Variants in PIKFYVE observed in about 807,000 individuals in gnomAD.
The protein encoded by PIKFYVE is 1-phosphatidylinositol 3-phosphate 5-kinase.
In PIKFYVE, 122 loss-of-function variants were observed where a neutral mutation model predicts 257.9. That is an observed-to-expected ratio of 0.47 (90% confidence interval 0.41 to 0.55). The LOEUF (loss-of-function observed/expected upper bound fraction) is 0.55, where lower values mean the gene tolerates loss of function less well. Among genes scored for constraint, PIKFYVE ranks in the 20% least tolerant of loss-of-function variants. PIKFYVE has a pLI of 0.00. For missense variants in PIKFYVE, 2,160 were observed against 2,536.6 expected (o/e 0.85, Z 3.19); for synonymous variants, 892 against 868.9 (o/e 1.03, Z -0.47).
In PIKFYVE at chr2:208,285,801, G is replaced by A; in HGVS notation, c.689G>A (p.Gly230Glu). Residue 230 changes from glycine (G) to glutamate (E), a missense_variant, in exon 6 of 42, where the codon GGG (glycine) becomes GAG (glutamate). Gly to Glu is a moderately conservative substitution (Grantham distance 98). Transcript: ENST00000264380. ...CATTCCACAGACAGTAATTCTATTGGGGAAGACTTGAATGCTCTTTCAGAT... is the reference window on the plus strand; with the variant it reads ...CATTCCACAGACAGTAATTCTATTGAGGAAGACTTGAATGCTCTTTCAGAT... ...YAHSTDSNSI[G>E]EDLNALSDSA... is the part of the protein sequence containing the mutation. 6.2e-7 allele frequency: 1 copy of A among 1,613,900 alleles called. No individual in the cohort carries two copies. Among genetic ancestry groups the A allele is most frequent in the Non-Finnish European group, 8.5e-7 (1 of 1,179,904 alleles).
intron 17 of PIKFYVE, among the ~76,000 whole-genome samples, chr2:208,322,799 A>G (rs1307364268): frequency 6.6e-6 from 1 of 150,496 alleles, no homozygotes; most frequent in Non-Finnish European, 1.5e-5. Context: ...TGCACCCATT[A>G]ACTTGTCATT....
chr2:208,284,196 C>A (rs1253858612), intron 5 of PIKFYVE, among the ~76,000 whole-genome samples: 2 of 151,274 alleles, frequency 1.3e-5, no homozygotes, highest in African/African-American at 4.9e-5. Flanking sequence ...GGACTGCACC[C>A]TCAAAAAATA....
chr2:208,295,681 C>T (rs761979116), intron 7 of PIKFYVE, among the ~76,000 whole-genome samples: 1 of 152,140 alleles, frequency 6.6e-6, no homozygotes, highest in Admixed American at 6.6e-5. Flanking sequence ...ATAAAGGACA[C>T]AATACAAGTT....
At chr2:208,337,118 G>T (rs1263602955) in intron 28 of PIKFYVE, among the ~76,000 whole-genome samples, 190 bp downstream of exon 28, 1 of 152,070 alleles carries the variant, frequency 6.6e-6, no homozygotes, top group Non-Finnish European at 1.5e-5. Flanking sequence ...GAAATAAAAT[G>T]ATCACTTATA....
intron 12 of PIKFYVE, among the ~76,000 whole-genome samples, chr2:208,307,367 C>T (rs1310848574): frequency 6.6e-6 from 1 of 152,156 alleles, no homozygotes; most frequent in East Asian, 1.9e-4. Flanking sequence ...GGAAAGAATA[C>T]ACATGGTTAA....
At chr2:208,329,972 G>T (rs1437414) in intron 22 of PIKFYVE, 59 bp downstream of exon 22, 6 of 1,589,032 alleles carry the variant, frequency 3.8e-6, no homozygotes, top group Non-Finnish European at 4.3e-6. Flanking sequence ...AAAATTTCAA[G>T]CTAAAACGTA....
chr2:208,287,831 C>T (rs1691782653), intron 6 of PIKFYVE, among the ~76,000 whole-genome samples: 1 of 152,048 alleles, frequency 6.6e-6, no homozygotes, highest in Admixed American at 6.6e-5. Context: ...AATTCCTAGG[C>T]TCCAGTGATT....
chr2:208,282,624 G>C (rs2125109802), intron 5 of PIKFYVE, among the ~76,000 whole-genome samples: 1 of 152,266 alleles, frequency 6.6e-6, no homozygotes, highest in Non-Finnish European at 1.5e-5. Flanking sequence ...ACATTCTAGA[G>C]GACAATCTGC....
intron 7 of PIKFYVE, among the ~76,000 whole-genome samples, chr2:208,289,741 AG>A (rs1692052051): frequency 6.6e-6 from 1 of 151,682 alleles, no homozygotes; most frequent in Admixed American, 6.6e-5. Context: ...GTTATTTTTT[AG>A]TAAAATACAG....
intron 20 of PIKFYVE, 125 bp downstream of exon 20, chr2:208,326,554 GCTA>G (rs1696945287): frequency 9.2e-7 from 1 of 1,088,138 alleles, no homozygotes; most frequent in Non-Finnish European, 1.4e-6. Flanking sequence ...CTTCTCCTAT[GCTA>G]TTTTTGTTTT....
intron 27 of PIKFYVE, among the ~76,000 whole-genome samples, chr2:208,336,469 G>A (rs1281861322): frequency 5.9e-5 from 9 of 152,112 alleles, no homozygotes; most frequent in Admixed American, 4.6e-4. Context: ...TCAGATGTGT[G>A]TGCTGTTGAA....
chr2:208,283,495 G>A (rs1050192109), intron 5 of PIKFYVE, among the ~76,000 whole-genome samples: 1 of 152,110 alleles, frequency 6.6e-6, no homozygotes, highest in Admixed American at 6.5e-5. Flanking sequence ...GGTTAGGCGA[G>A]ATTTCCTTTA....
Position 208,345,112 on chromosome 2 carries a change from T to C in PIKFYVE, c.5029T>C (p.Cys1677Arg). The C allele has an allele frequency of 6.2e-7, 1 of 1,603,228 alleles. No individual in the cohort carries two copies. Among genetic ancestry groups the C allele is most frequent in the Non-Finnish European group, 8.5e-7 (1 of 1,170,112 alleles). ...PSSIIAFALS[C>R]KEYRNALEEL... ...TTTTCAACCTATTTCTGCCCTAAGTTGTAAAGAATACCGAAATGCCTTAGA... is the reference window on the plus strand; with the variant it reads ...TTTTCAACCTATTTCTGCCCTAAGTCGTAAAGAATACCGAAATGCCTTAGA... Residue 1677 changes from cysteine (C) to arginine (R), a missense_variant and splice_region_variant, in exon 33 of 42, where the codon TGT becomes CGT. By Grantham distance (180) the Cys-to-Arg change is radical (BLOSUM62 -3). Transcript: ENST00000264380.
At chr2:208,267,305 T>G (rs1197704130) in intron 1 of PIKFYVE, among the ~76,000 whole-genome samples, 1 of 152,174 alleles carries the variant, frequency 6.6e-6, no homozygotes, top group Non-Finnish European at 1.5e-5. Flanking sequence ...TTCTTTCTTT[T>G]GTGTTTGTGA....
chr2:208,283,320 T>G (rs182133540), intron 5 of PIKFYVE, among the ~76,000 whole-genome samples: 73 of 152,348 alleles, frequency 4.8e-4, no homozygotes, highest in African/African-American at 1.6e-3. Flanking sequence ...CTATGAGTTT[T>G]TTGATGGCAG....
chr2:208,304,406 C>T, intron 11 of PIKFYVE, 88 bp downstream of exon 11: 1 of 1,507,236 alleles, frequency 6.6e-7, no homozygotes, highest in Non-Finnish European at 9.1e-7. Context: ...TGAAATAATT[C>T]AGCTTTATAA....
intron 19 of PIKFYVE, 31 bp from the exon 20 acceptor site, chr2:208,325,239 A>G: frequency 6.2e-7 from 1 of 1,605,432 alleles, no homozygotes; most frequent in South Asian, 1.1e-5. Context: ...CACCTCCACC[A>G]TCTTAACTTT....
intron 35 of PIKFYVE, among the ~76,000 whole-genome samples, chr2:208,348,747 TC>T (rs1254493746): frequency 6.6e-6 from 1 of 152,096 alleles, no homozygotes; most frequent in Non-Finnish European, 1.5e-5. Flanking sequence ...CATTTACTTA[TC>T]ATCTGGTTGC....
At chr2:208,303,446 A>G (rs1404904037) in intron 10 of PIKFYVE, among the ~76,000 whole-genome samples, 2 of 152,196 alleles carry the variant, frequency 1.3e-5, no homozygotes, top group African/African-American at 4.8e-5. Flanking sequence ...ATTAATACAT[A>G]TTTTGTATGT....
Sources: gnomAD v4.1 joint callset for allele counts (sites outside exome capture counted in the v4.1 genomes callset) on GRCh38, gnomAD v4.1.1 for gene constraint, MANE v1.5 for transcripts, NCBI Gene and HGNC (gene_info 2026-07-23, HGNC 2026-07-21) for gene names.